LIN52: variants seen among roughly 807,000 people sequenced by gnomAD.
The protein encoded by LIN52 is protein lin-52 homolog.
LIN52 carries 4 observed loss-of-function variants against 18.5 expected under a neutral mutation model. The observed-to-expected ratio is 0.22, with a 90% CI of 0.11 to 0.49. The LOEUF (loss-of-function observed/expected upper bound fraction) is 0.49, where lower values mean the gene tolerates loss of function less well. Among genes scored for constraint, LIN52 ranks in the 20% least tolerant of loss-of-function variants. The pLI is 0.97. For synonymous variants in LIN52, 34 were observed against 45.5 expected, an observed-to-expected ratio of 0.75 and a Z score of 1.02; for missense variants, 102 against 139.5, an observed-to-expected ratio of 0.73 and a Z score of 1.35.
In LIN52 at chr14:74,199,727, G is replaced by A. The variant is rs2078935351; in HGVS notation, c.*750G>A. 4 of 152,180 alleles carry A rather than the reference G, an allele frequency of 2.6e-5. No homozygotes were observed. In the South Asian group the frequency reaches 8.3e-4, roughly 31 times the overall value. The allele number at this position is 152,180 out of a possible 1,614,324, so 9.4% of individuals were successfully genotyped here. ...TGAAGGTGACAGAAAGGACTTTTGA[G>A]TTCTAATTAATCTGTTACAGCTTCA... On this transcript the variant is annotated 3_prime_UTR_variant, in exon 6 of 6. Transcript: ENST00000555028.
In LIN52 at chr14:74,176,231, C is replaced by T. The variant is rs562198895; in HGVS notation, c.284-22691C>T. 5.9e-5 allele frequency among the ~76,000 whole-genome samples: 9 copies of T among 152,126 alleles called. No individual in the cohort carries two copies. In the South Asian group the frequency reaches 6.2e-4, roughly 11 times the overall value. ...AGGCTAGAGTGCAGTGGCGCAATCT[C>T]GGCTCACTGAAACTTCCACCTCCTG... On this transcript the variant is annotated intron_variant, in intron 5 of 5. Transcript: ENST00000555028.
At chr14:74,143,988 A>AT (rs1399361874) in intron 5 of LIN52, among the ~76,000 whole-genome samples, 2,769 of 146,254 alleles carry the variant, frequency 0.019, 69 homozygotes, top group African/African-American at 0.063. Flanking sequence ...TATGATCTCA[A>AT]TTTTTTTTTT....
At chr14:74,112,887 C>G (rs1184248744) in intron 5 of LIN52, among the ~76,000 whole-genome samples, 1 of 151,878 alleles carries the variant, frequency 6.6e-6, no homozygotes, top group Non-Finnish European at 1.5e-5. Flanking sequence ...TATGAGAGTA[C>G]AAAGAACTAT....
chr14:74,189,532 G>A (rs984883075), intron 5 of LIN52, among the ~76,000 whole-genome samples: 1 of 152,182 alleles, frequency 6.6e-6, no homozygotes, highest in Non-Finnish European at 1.5e-5. Context: ...GTTTTTTGCT[G>A]TTGTTTTGGT....
intron 5 of LIN52, among the ~76,000 whole-genome samples, chr14:74,156,195 G>T (rs1160864807): frequency 6.6e-6 from 1 of 152,158 alleles, no homozygotes; most frequent in East Asian, 1.9e-4. Context: ...TAAGAAAAAA[G>T]AATTGGCATT....
At chr14:74,163,848 A>G (rs1056234623) in intron 5 of LIN52, among the ~76,000 whole-genome samples, 5 of 152,188 alleles carry the variant, frequency 3.3e-5, no homozygotes, top group African/African-American at 1.2e-4. Context: ...ATTAAAGTGT[A>G]TTTAGGAGTC....
At chr14:74,105,747 A>G (rs574486531) in intron 5 of LIN52, among the ~76,000 whole-genome samples, 183 of 152,258 alleles carry the variant, frequency 1.2e-3, no homozygotes, top group Middle Eastern at 3.4e-3. Context: ...AGGACCAGTG[A>G]TCCTGTTTTT....
intron 2 of LIN52, among the ~76,000 whole-genome samples, chr14:74,091,609 A>G (rs1253716550): frequency 6.6e-6 from 1 of 151,780 alleles, no homozygotes; most frequent in Non-Finnish European, 1.5e-5. Flanking sequence ...TCTCTACTAA[A>G]AAAAAAATAG....
chr14:74,159,069 G>A (rs1402117960), intron 5 of LIN52, among the ~76,000 whole-genome samples: 1 of 152,108 alleles, frequency 6.6e-6, no homozygotes, highest in African/African-American at 2.4e-5. Context: ...TAAAGGCTCT[G>A]TATTCCTAGT....
intron 5 of LIN52, among the ~76,000 whole-genome samples, chr14:74,162,632 G>A (rs1054241268): frequency 6.6e-6 from 1 of 151,788 alleles, no homozygotes; most frequent in Admixed American, 6.6e-5. Context: ...GGGCTCAAGG[G>A]ATCCACCCAC....
At chr14:74,180,279 T>C (rs1447809780) in intron 5 of LIN52, among the ~76,000 whole-genome samples, 1 of 149,086 alleles carries the variant, frequency 6.7e-6, no homozygotes, top group African/African-American at 2.5e-5. Context: ...TTTTTTTTTT[T>C]TTTTGAGACG....
At chr14:74,177,294 G>A (rs902898069) in intron 5 of LIN52, among the ~76,000 whole-genome samples, 5 of 152,048 alleles carry the variant, frequency 3.3e-5, no homozygotes, top group African/African-American at 9.7e-5. Flanking sequence ...TACTGCGCCC[G>A]GCCTGTTTGC....
At chr14:74,093,442 C>T (rs2060786673) in intron 2 of LIN52, among the ~76,000 whole-genome samples, 1 of 151,060 alleles carries the variant, frequency 6.6e-6, no homozygotes, top group African/African-American at 2.4e-5. Context: ...TCTCCTGCCT[C>T]AGCCCCCCAA....
At chr14:74,162,475 CAAAAAAAAAA>C (rs35116380) in intron 5 of LIN52, among the ~76,000 whole-genome samples, 1 of 95,352 alleles carries the variant, frequency 1.0e-5, no homozygotes, top group Admixed American at 1.3e-4. Flanking sequence ...CTCCATCTCA[CAAAAAAAAAA>C]AAAAAAAAAA....
At chr14:74,098,075 G>A (rs2060827569) in intron 4 of LIN52, among the ~76,000 whole-genome samples, 1 of 152,106 alleles carries the variant, frequency 6.6e-6, no homozygotes, top group South Asian at 2.1e-4. Flanking sequence ...AGTGAATTCT[G>A]CTGCTGGTGC....
rs1038073024 is a variant in LIN52, at chr14:74,188,362, C to T, written c.284-10560C>T. 2.6e-5 allele frequency among the ~76,000 whole-genome samples: 4 copies of T among 152,012 alleles called. No homozygotes were observed. In the South Asian group the frequency reaches 6.2e-4, roughly 24 times the overall value. The stretch of plus-strand genomic sequence containing the variant: ...AAAAAATAGTGGCGTGAATAATACC[C>T]GCTCACAGCCCAAGACATTTGATGT... On this transcript the variant is annotated intron_variant, in intron 5 of 5. Transcript: ENST00000555028.
At chr14:74,183,795 C>T (rs1005888) in intron 5 of LIN52, among the ~76,000 whole-genome samples, 26,276 of 152,000 alleles carry the variant, frequency 0.17, 2,783 homozygotes, top group East Asian at 0.58. Flanking sequence ...TTCATAAATA[C>T]GTTCATACAT....
intron 5 of LIN52, among the ~76,000 whole-genome samples, chr14:74,134,967 T>C: frequency 6.6e-6 from 1 of 152,318 alleles, no homozygotes; most frequent in East Asian, 1.9e-4. Flanking sequence ...GCAAACACAT[T>C]GTTTTCTTCT....
At chr14:74,183,360 A>C (rs1310264667) in intron 5 of LIN52, among the ~76,000 whole-genome samples, 1 of 151,998 alleles carries the variant, frequency 6.6e-6, no homozygotes, top group Non-Finnish European at 1.5e-5. Flanking sequence ...CGGCCTCCCA[A>C]AGTGCTGGGA....
Sources: gnomAD v4.1 joint callset for allele counts (sites outside exome capture counted in the v4.1 genomes callset) on GRCh38, gnomAD v4.1.1 for gene constraint, MANE v1.5 for transcripts, NCBI Gene and HGNC (gene_info 2026-07-23, HGNC 2026-07-21) for gene names.